The following AGBL1 variants were observed in gnomAD, a reference collection of about 807,000 sequenced individuals.
AGBL1 encodes the protein cytosolic carboxypeptidase 4.
Under a neutral mutation model 118.9 loss-of-function variants are expected in AGBL1, and 130 were observed. That is an observed-to-expected ratio of 1.09 (90% CI 0.95 to 1.26). The LOEUF (loss-of-function observed/expected upper bound fraction) is 1.26. Ranked by LOEUF, AGBL1 falls within the 50% of genes most tolerant of loss-of-function variation. AGBL1 has a pLI of 0.00. For missense variants in AGBL1, 1,584 were observed against 1,298.1 expected (o/e 1.22, Z -3.38); for synonymous variants, 555 against 478.9 (o/e 1.16, Z -2.08).
rs60441568 is a variant in AGBL1 at position 86,348,780 on chromosome 15, G to GA, written c.2375-48568dup. 2.8e-3 allele frequency among the ~76,000 whole-genome samples: 357 copies of GA among 127,900 alleles called. 1 individual carries two copies. The highest frequency in any genetic ancestry group is 4.8e-3 in the East Asian group (13 of 2,726). 83.9% of individuals were successfully genotyped at this position (127,900 alleles called of 152,430 possible). Reference sequence around the variant, plus strand: ...GTGACAGAGCGCGACTGTCTCAAAAGAAAAAAAAAAAAAAAAAAGCAGAGA... The same window carrying GA: ...GTGACAGAGCGCGACTGTCTCAAAAGAAAAAAAAAAAAAAAAAAAGCAGAGA... On this transcript the variant is annotated intron_variant, in intron 17 of 22. Transcript: ENST00000614907.
intron 24 of AGBL1, among the ~76,000 whole-genome samples, chr15:87,009,623 G>A (rs753811300): frequency 1.3e-5 from 2 of 152,128 alleles, no homozygotes; most frequent in African/African-American, 4.8e-5. Flanking sequence ...CTATGCACCT[G>A]GAAAAGCCAC....
At chr15:86,448,003 G>C (rs12148186) in intron 18 of AGBL1, among the ~76,000 whole-genome samples, 4,944 of 152,092 alleles carry the variant, frequency 0.033, 132 homozygotes, top group African/African-American at 0.073. Context: ...AAACTAGCCG[G>C]GGGTGGTGGC....
chr15:86,162,974 T>C (rs1189192036), intron 5 of AGBL1, among the ~76,000 whole-genome samples: 2 of 152,246 alleles, frequency 1.3e-5, no homozygotes, highest in African/African-American at 4.8e-5. Flanking sequence ...CAGAGATTTG[T>C]TCAGACCTTC....
intron 23 of AGBL1, among the ~76,000 whole-genome samples, chr15:86,985,309 C>A (rs1240174102): frequency 1.3e-5 from 2 of 152,192 alleles, no homozygotes; most frequent in Non-Finnish European, 2.9e-5. Flanking sequence ...TAATCAGGAA[C>A]TTCCTAATGA....
intron 5 of AGBL1, among the ~76,000 whole-genome samples, chr15:86,184,395 C>G (rs1223548958): frequency 6.7e-6 from 1 of 149,644 alleles, no homozygotes; most frequent in Non-Finnish European, 1.5e-5. Context: ...TTTCCATGGA[C>G]TTTTATACAC....
At chr15:86,794,857 G>T in intron 22 of AGBL1, among the ~76,000 whole-genome samples, 1 of 152,154 alleles carries the variant, frequency 6.6e-6, no homozygotes, top group East Asian at 1.9e-4. Context: ...CAATGGAACT[G>T]CTAGTTTTAT....
At chr15:86,106,327 C>A (rs746771522) in intron 1 of AGBL1, among the ~76,000 whole-genome samples, 2 of 152,144 alleles carry the variant, frequency 1.3e-5, no homozygotes, top group African/African-American at 4.8e-5. Context: ...ATGATCAAAG[C>A]AATTTTCATG....
intron 22 of AGBL1, among the ~76,000 whole-genome samples, chr15:86,835,391 C>T (rs887377414): frequency 3.9e-5 from 6 of 151,954 alleles, no homozygotes; most frequent in African/African-American, 9.7e-5. Context: ...TGGTGTTTAA[C>T]GGAGTCCTGA....
At chr15:86,653,781 G>T (rs901245402) in intron 21 of AGBL1, among the ~76,000 whole-genome samples, 1 of 152,078 alleles carries the variant, frequency 6.6e-6, no homozygotes, top group Non-Finnish European at 1.5e-5. Flanking sequence ...GTGCTCAATA[G>T]CTGCAGAGAA....
intron 17 of AGBL1, among the ~76,000 whole-genome samples, chr15:86,319,990 C>T (rs1179428662): frequency 6.6e-6 from 1 of 152,022 alleles, no homozygotes; most frequent in African/African-American, 2.4e-5. Flanking sequence ...CTCCTGACCT[C>T]AGGTGATCCG....
chr15:86,646,797 T>C (rs1377186785), intron 21 of AGBL1, among the ~76,000 whole-genome samples: 1 of 152,214 alleles, frequency 6.6e-6, no homozygotes, highest in Admixed American at 6.5e-5. Context: ...GGAACGATTC[T>C]GCCTTCACAT....
intron 1 of AGBL1, among the ~76,000 whole-genome samples, chr15:86,137,037 C>G (rs2076898753): frequency 1.3e-5 from 2 of 152,168 alleles, no homozygotes; most frequent in African/African-American, 4.8e-5. Flanking sequence ...ATCCTGCCTT[C>G]TTTAACTGCT....
chr15:86,238,722 T>C (rs1352664819), intron 6 of AGBL1, among the ~76,000 whole-genome samples: 2 of 152,240 alleles, frequency 1.3e-5, no homozygotes, highest in Non-Finnish European at 2.9e-5. Context: ...ATTGATAAAG[T>C]ATGTGAGATA....
At chr15:86,708,292 T>C (rs914349031) in intron 22 of AGBL1, among the ~76,000 whole-genome samples, 1 of 152,058 alleles carries the variant, frequency 6.6e-6, no homozygotes, top group South Asian at 2.1e-4. Context: ...TCTGATCTCA[T>C]AAGGTTAGTG....
chr15:86,143,049 T>C (rs2076984598), intron 2 of AGBL1, among the ~76,000 whole-genome samples: 1 of 152,218 alleles, frequency 6.6e-6, no homozygotes, highest in Non-Finnish European at 1.5e-5. Context: ...AAATCGTTGC[T>C]TTTGAGTTTG....
At chr15:86,879,228 T>C (rs1288330199) in intron 22 of AGBL1, among the ~76,000 whole-genome samples, 2 of 152,134 alleles carry the variant, frequency 1.3e-5, no homozygotes, top group African/African-American at 4.8e-5. Context: ...AATGACTAAT[T>C]TTCATTTATG....
intron 19 of AGBL1, among the ~76,000 whole-genome samples, chr15:86,536,249 G>A (rs1048641117): frequency 6.6e-6 from 1 of 152,096 alleles, no homozygotes; most frequent in African/African-American, 2.4e-5. Context: ...TTTTTCTCTT[G>A]CTCTCAACAG....
chr15:86,368,942 C>G (rs2080930904), intron 17 of AGBL1, among the ~76,000 whole-genome samples: 1 of 152,104 alleles, frequency 6.6e-6, no homozygotes, highest in African/African-American at 2.4e-5. Flanking sequence ...GAATCTGCGC[C>G]TGGGAGAAAA....
At chr15:86,200,562 C>CCCCCCT (rs1491108580) in intron 5 of AGBL1, among the ~76,000 whole-genome samples, 1 of 95,148 alleles carries the variant, frequency 1.1e-5, no homozygotes, top group Non-Finnish European at 2.0e-5. Flanking sequence ...CCCCCCCCCC[C>CCCCCCT]TTTTTTTTTT....
Sources: gnomAD v4.1 joint callset for allele counts (sites outside exome capture counted in the v4.1 genomes callset) on GRCh38, gnomAD v4.1.1 for gene constraint, MANE v1.5 for transcripts, NCBI Gene and HGNC (gene_info 2026-07-23, HGNC 2026-07-21) for gene names.